Variants in HECTD4 observed in about 807,000 individuals in gnomAD.
HECTD4 encodes HECT domain E3 ubiquitin protein ligase 4.
In HECTD4, 114 loss-of-function variants were observed where a neutral mutation model predicts 471.5. The ratio of observed to expected loss-of-function variants is 0.24; its 90% confidence interval spans 0.21 to 0.28. HECTD4 has a LOEUF of 0.28. HECTD4 is among the 10% of genes least tolerant of loss of function. The pLI, the probability that HECTD4 is intolerant of heterozygous loss-of-function variation, is 1.00. For synonymous variants in HECTD4, 2,012 were observed against 2,256.0 expected, an observed-to-expected ratio of 0.89 and a Z score of 3.07; for missense variants, 3,866 against 5,651.5, an observed-to-expected ratio of 0.68 and a Z score of 10.13.
rs2033021003 is a variant in HECTD4, at chr12:112,219,275, C to A, written c.7074+111G>T. The A allele has an allele frequency of 6.2e-6, 4 of 649,332 alleles. No individual in the cohort carries two copies. The South Asian group carries it at 1.0e-4, about 17-fold the overall frequency. 40.2% of individuals were successfully genotyped at this position (649,332 alleles called of 1,614,324 possible). A position where few individuals can be genotyped will look rare whatever the true frequency, so the allele number is the denominator to read the frequency against. ...GGCATGTCACTGCAAAAGAATGCAC[C>A]TCCAAACGGCTTTGCAAACACTTAT... On this transcript the variant is annotated intron_variant, in intron 45 of 75. Transcript: ENST00000682272.
intron 44 of HECTD4, among the ~76,000 whole-genome samples, chr12:112,224,901 T>C (rs2135559323): frequency 6.6e-6 from 1 of 152,352 alleles, no homozygotes; most frequent in Non-Finnish European, 1.5e-5. Context: ...CAGCATGTTA[T>C]ATGCTGCTAT....
In HECTD4 at chr12:112,192,684, G is replaced by A; in HGVS notation, c.9168C>T (p.Asn3056=). 2 of 1,603,412 alleles carry A rather than the reference G, an allele frequency of 1.2e-6. No homozygotes were observed. The highest frequency in any genetic ancestry group is 1.7e-6 in the Non-Finnish European group (2 of 1,175,390). Residue 3056 remains asparagine, a synonymous_variant, in exon 59 of 76, where the codon AAC becomes AAT. Coordinates refer to ENST00000682272, the MANE Select transcript of HECTD4 (RefSeq NM_001388303.1). ...GHKVKRNGQL[N]LIEAACYPRD... ...GCGGGTAACAGGCGGCCTCGATGAGGTTCAGCTGGCCATTTCGCTTCACTT... is the reference window on the plus strand; with the variant it reads ...GCGGGTAACAGGCGGCCTCGATGAGATTCAGCTGGCCATTTCGCTTCACTT...
intron 7 of HECTD4, among the ~76,000 whole-genome samples, chr12:112,304,235 C>T (rs984431273): frequency 1.4e-5 from 2 of 141,280 alleles, no homozygotes; most frequent in Non-Finnish European, 3.0e-5. Flanking sequence ...GGCTAAAGAC[C>T]TAATTTTTTT....
intron 1 of HECTD4, among the ~76,000 whole-genome samples, chr12:112,339,914 T>C (rs1470880209): frequency 6.6e-6 from 1 of 151,922 alleles, no homozygotes; most frequent in Non-Finnish European, 1.5e-5. Flanking sequence ...CCAGTCATGG[T>C]GGTACACACC....
rs553281577 is a variant in HECTD4 at position 112,345,324 on chromosome 12, A to G, written c.178-25582T>C. Among the ~76,000 whole-genome samples the G allele has an allele frequency of 2.0e-4, 31 of 152,190 alleles. 1 individual carries two copies. Among genetic ancestry groups the G allele is most frequent in the Non-Finnish European group, 4.0e-4 (27 of 68,002 alleles). ...CAGAAGAAGAAAAAAGAAGAAAAAA[A>G]CCAGGACAATGAAACGATATGAAAA... is the stretch of plus-strand genomic sequence containing the variant. On this transcript the variant is annotated intron_variant, in intron 1 of 75. Transcript: ENST00000682272.
intron 11 of HECTD4, among the ~76,000 whole-genome samples, chr12:112,271,124 G>A (rs959888333): frequency 1.3e-5 from 2 of 151,992 alleles, no homozygotes; most frequent in South Asian, 2.1e-4. Context: ...CATAAAACTC[G>A]CCCACTCTAA....
chr12:112,370,079 C>A (rs963946186), intron 1 of HECTD4, among the ~76,000 whole-genome samples: 2 of 152,042 alleles, frequency 1.3e-5, no homozygotes, highest in Non-Finnish European at 2.9e-5. Context: ...AATGTACTCA[C>A]AAGGGTGCTT....
intron 7 of HECTD4, among the ~76,000 whole-genome samples, chr12:112,303,862 T>TAAAA (rs113450179): frequency 8.8e-6 from 1 of 113,896 alleles, no homozygotes; most frequent in Non-Finnish European, 2.1e-5. Context: ...TCTCTCAAAA[T>TAAAA]AAAAAAAAAA....
intron 7 of HECTD4, among the ~76,000 whole-genome samples, chr12:112,297,528 C>G (rs2035067360): frequency 6.6e-6 from 1 of 151,936 alleles, no homozygotes; most frequent in African/African-American, 2.4e-5. Flanking sequence ...TATTTGCTGA[C>G]TAGATATGGA....
At chr12:112,285,591 A>G (rs1594010574) in intron 7 of HECTD4, among the ~76,000 whole-genome samples, 1 of 152,092 alleles carries the variant, frequency 6.6e-6, no homozygotes, top group South Asian at 2.1e-4. Context: ...ACAGGGATCC[A>G]CCTGCCTTGT....
At chr12:112,219,702 A>T in intron 44 of HECTD4, 1 of 357,328 alleles carries the variant, frequency 2.8e-6, no homozygotes, top group South Asian at 5.5e-5. Context: ...TGGGTTCAAG[A>T]GATTCTCCTG....
chr12:112,169,050 C>T (rs1488177190), intron 70 of HECTD4, among the ~76,000 whole-genome samples: 3 of 152,214 alleles, frequency 2.0e-5, no homozygotes, highest in Non-Finnish European at 4.4e-5. Context: ...TCTCCATCTG[C>T]AGTGGACACG....
chr12:112,362,189 A>G (rs2036462268), intron 1 of HECTD4, among the ~76,000 whole-genome samples: 1 of 152,220 alleles, frequency 6.6e-6, no homozygotes, highest in African/African-American at 2.4e-5. Context: ...TATGTACACA[A>G]CTGTATATAT....
At chr12:112,360,149 T>C (rs2036422569) in intron 1 of HECTD4, among the ~76,000 whole-genome samples, 1 of 152,160 alleles carries the variant, frequency 6.6e-6, no homozygotes, top group Non-Finnish European at 1.5e-5. Flanking sequence ...GGTATAGGTT[T>C]AAACACATAA....
At position 112,194,637 on chromosome 12, in the gene HECTD4, G is replaced by A. The variant is rs2032179345; in HGVS notation, c.8749+248C>T. On this transcript the variant is annotated intron_variant, in intron 56 of 75. Transcript: ENST00000682272. This position sits in a 1 kb window ranked among gnomAD's most constrained non-coding sequence, Gnocchi z 4.6. ...TCATAAGTAATACTTAATTTTCCTT[G>A]ATCCACAATTACGTTGGGAAACTTG... 6.6e-6 allele frequency among the ~76,000 whole-genome samples: 1 copy of A among 152,230 alleles called. No individual in the cohort carries two copies. Among genetic ancestry groups the A allele is most frequent in the Non-Finnish European group, 1.5e-5 (1 of 68,040 alleles).
In HECTD4 at chr12:112,239,269, C is replaced by T. The variant is rs757188169; in HGVS notation, c.5106-33G>A. On this transcript the variant is annotated intron_variant, in intron 33 of 75. Coordinates refer to ENST00000682272, the MANE Select transcript of HECTD4 (RefSeq NM_001388303.1). The surrounding 1 kb of genome is among the most constrained non-coding windows in gnomAD (Gnocchi z 4.9). ...AGGGTCATGGATTACACTAGATAAA[C>T]GTAACTGACCGACACTCAGGAAACT... 7 of 1,552,132 alleles carry T rather than the reference C, an allele frequency of 4.5e-6. No individual in the cohort carries two copies. The highest frequency in any genetic ancestry group is 2.3e-5 in the East Asian group (1 of 42,948).
intron 7 of HECTD4, among the ~76,000 whole-genome samples, chr12:112,303,902 A>G (rs1029622462): frequency 1.3e-5 from 2 of 152,040 alleles, no homozygotes; most frequent in African/African-American, 2.4e-5. Context: ...AAAAAAAGAA[A>G]AGAGGGAGAA....
Position 112,344,918 on chromosome 12 carries a change from C to CA in HECTD4, c.178-25177dup, listed in dbSNP as rs548073348. ...GGGCAATGAGAATGAAACTCCGTCT[C>CA]AAAAAAAGAAAAGAGAAGAGAAGAG... On this transcript the variant is annotated intron_variant, in intron 1 of 75. Transcript: ENST00000682272. Among the ~76,000 whole-genome samples, 27 of 150,692 alleles carry CA rather than the reference C, an allele frequency of 1.8e-4. 1 individual carries two copies. The highest frequency in any genetic ancestry group is 5.9e-4 in the African/African-American group (24 of 40,994).
intron 7 of HECTD4, among the ~76,000 whole-genome samples, chr12:112,288,336 G>C (rs1358143928): frequency 7.6e-6 from 1 of 132,146 alleles, no homozygotes; most frequent in South Asian, 2.5e-4. Context: ...AAAAAAAAAA[G>C]ATGCAGCAAG....
Sources: allele counts gnomAD v4.1 joint callset (sites outside exome capture counted in the v4.1 genomes callset), GRCh38; gene constraint gnomAD v4.1.1; non-coding constraint Gnocchi (gnomAD v3.1); transcripts MANE v1.5; gene names NCBI Gene and HGNC (gene_info 2026-07-23, HGNC 2026-07-21).